The following SDK1 variants were observed in gnomAD, a reference collection of about 807,000 sequenced individuals.
SDK1 encodes the protein sidekick cell adhesion molecule 1.
SDK1 carries 157 observed loss-of-function variants against 245.5 expected under a neutral mutation model. The ratio of observed to expected loss-of-function variants is 0.64; its 90% confidence interval spans 0.56 to 0.73. The LOEUF (loss-of-function observed/expected upper bound fraction) is 0.73. Among genes scored for constraint, SDK1 ranks in the 30% least tolerant of loss-of-function variants. SDK1 has a pLI of 0.00. For missense variants in SDK1, 3,583 were observed against 3,002.3 expected, an observed-to-expected ratio of 1.19 and a Z score of -4.52; for synonymous variants, 1,647 against 1,278.5, an observed-to-expected ratio of 1.29 and a Z score of -6.15.
chr7:4,074,931 T>TA (rs1780562771), intron 20 of SDK1, among the ~76,000 whole-genome samples: 3 of 135,266 alleles, frequency 2.2e-5, no homozygotes, highest in Non-Finnish European at 4.7e-5. Flanking sequence ...TTTTTTTTTT[T>TA]AATAAAGTTA....
intron 19 of SDK1, among the ~76,000 whole-genome samples, chr7:4,063,767 C>T (rs1428863207): frequency 1.3e-5 from 2 of 151,890 alleles, no homozygotes; most frequent in Admixed American, 6.6e-5. Context: ...TTGGCGTTAA[C>T]AACAGACACA....
intron 17 of SDK1, among the ~76,000 whole-genome samples, chr7:4,023,582 C>G (rs1022406976): frequency 6.6e-6 from 1 of 152,108 alleles, no homozygotes; most frequent in African/African-American, 2.4e-5. Flanking sequence ...CTTTTGGTGT[C>G]GAGTGGAAAA....
At chr7:3,848,087 C>T (rs1780326170) in intron 5 of SDK1, among the ~76,000 whole-genome samples, 1 of 152,190 alleles carries the variant, frequency 6.6e-6, no homozygotes, top group African/African-American at 2.4e-5. Flanking sequence ...TTCCAGTGAC[C>T]ATAAACTTAA....
chr7:3,654,132 A>G (rs1466952907), intron 4 of SDK1, among the ~76,000 whole-genome samples: 1 of 152,100 alleles, frequency 6.6e-6, no homozygotes, highest in East Asian at 1.9e-4. Flanking sequence ...TGCTGGAGCC[A>G]TGGGCAGCCC....
At chr7:3,596,858 A>G (rs183794604) in intron 1 of SDK1, among the ~76,000 whole-genome samples, 5 of 152,334 alleles carry the variant, frequency 3.3e-5, no homozygotes, top group Admixed American at 2.6e-4. Flanking sequence ...GGAAAGCACC[A>G]TAAAAGATAG....
At chr7:3,579,671 C>G (rs983652428) in intron 1 of SDK1, among the ~76,000 whole-genome samples, 1 of 151,928 alleles carries the variant, frequency 6.6e-6, no homozygotes, top group Admixed American at 6.5e-5. Flanking sequence ...AAGTCTTGGC[C>G]AGTCCTGGTT....
intron 35 of SDK1, among the ~76,000 whole-genome samples, chr7:4,190,466 C>T (rs943041732): frequency 5.3e-5 from 8 of 152,208 alleles, no homozygotes; most frequent in Admixed American, 1.3e-4. Flanking sequence ...ATCCGGAGTC[C>T]GCAGGGGGCT....
At chr7:4,224,405 C>T (rs1785305242) in intron 40 of SDK1, among the ~76,000 whole-genome samples, 1 of 152,092 alleles carries the variant, frequency 6.6e-6, no homozygotes, top group Admixed American at 6.5e-5. Flanking sequence ...TGGGGAGGTG[C>T]CACACGTTTT....
chr7:3,579,690 A>AGGGTGTAAGTGAC (rs1780419365), intron 1 of SDK1, among the ~76,000 whole-genome samples: 1 of 141,630 alleles, frequency 7.1e-6, no homozygotes, highest in Admixed American at 6.8e-5. Context: ...TTGTGGAAAC[A>AGGGTGTAAGTGAC]AGGGAACACT....
Position 3,567,966 on chromosome 7 carries a change from A to G in SDK1, c.299-51114A>G, listed in dbSNP as rs549537424. Among the ~76,000 whole-genome samples the G allele has an allele frequency of 1.6e-3, 250 of 152,188 alleles. 1 individual carries two copies. The highest frequency in any genetic ancestry group is 5.9e-3 in the African/African-American group (244 of 41,522). On this transcript the variant is annotated intron_variant, in intron 1 of 44. Coordinates refer to ENST00000404826, the MANE Select transcript of SDK1 (RefSeq NM_152744.4). ...TGAGTAGCTGGGACCACAGGTATGC[A>G]CAACCATGCCTGGCTAATTTTTTGA...
intron 17 of SDK1, among the ~76,000 whole-genome samples, chr7:4,023,933 T>C (rs1034703570): frequency 6.6e-6 from 1 of 152,282 alleles, no homozygotes; most frequent in Non-Finnish European, 1.5e-5. Flanking sequence ...CTGTATGGAT[T>C]AGCAAACTCC....
At chr7:3,553,594 T>G (rs1779485839) in intron 1 of SDK1, among the ~76,000 whole-genome samples, 1 of 152,102 alleles carries the variant, frequency 6.6e-6, no homozygotes, top group African/African-American at 2.4e-5. Context: ...CTTCCTTTTT[T>G]TATTCAAATG....
At chr7:3,675,405 C>CA (rs1562648450) in intron 4 of SDK1, among the ~76,000 whole-genome samples, 1 of 152,126 alleles carries the variant, frequency 6.6e-6, no homozygotes, top group African/African-American at 2.4e-5. Flanking sequence ...CTTAGCTAAT[C>CA]TTTTTTTAGA....
At chr7:3,643,535 GT>G (rs2128652935) in intron 4 of SDK1, 1 of 117,676 alleles carries the variant, frequency 8.5e-6, no homozygotes, top group East Asian at 2.7e-4. Flanking sequence ...CGTGATTCTT[GT>G]CTCCACCCCC....
intron 35 of SDK1, among the ~76,000 whole-genome samples, chr7:4,195,128 A>G (rs1279508284): frequency 6.6e-6 from 1 of 152,238 alleles, no homozygotes; most frequent in Non-Finnish European, 1.5e-5. Flanking sequence ...TGGAGCACAA[A>G]GTAATGTTTA....
chr7:3,905,027 A>C (rs1778847645), intron 5 of SDK1, among the ~76,000 whole-genome samples: 2 of 151,548 alleles, frequency 1.3e-5, no homozygotes, highest in African/African-American at 4.8e-5. Flanking sequence ...AATAAAACCT[A>C]CTTATCTGTG....
chr7:3,327,041 G>A (rs1184640879), intron 1 of SDK1, among the ~76,000 whole-genome samples: 2 of 152,184 alleles, frequency 1.3e-5, no homozygotes, highest in African/African-American at 4.8e-5. Context: ...TTAATCTTAA[G>A]TCAGATGTAA....
chr7:3,959,839 A>T (rs774441260), intron 8 of SDK1, among the ~76,000 whole-genome samples: 15 of 149,106 alleles, frequency 1.0e-4, no homozygotes, highest in Non-Finnish European at 1.5e-4. Context: ...TTCCTTTGCC[A>T]TTCAGGTCAT....
intron 40 of SDK1, among the ~76,000 whole-genome samples, chr7:4,230,607 T>A (rs660109): frequency 0.62 from 93,441 of 151,486 alleles, 29,700 homozygotes; most frequent in African/African-American, 0.73. Flanking sequence ...GGATGATTAC[T>A]TAGGAAGATG....
Sources: gnomAD v4.1 joint callset for allele counts (sites outside exome capture counted in the v4.1 genomes callset) on GRCh38, gnomAD v4.1.1 for gene constraint, MANE v1.5 for transcripts, NCBI Gene and HGNC (gene_info 2026-07-23, HGNC 2026-07-21) for gene names.